Variants in CSRNP3 observed in about 807,000 individuals in gnomAD.
The protein encoded by CSRNP3 is cysteine and serine rich nuclear protein 3.
A neutral mutation model predicts 48.0 loss-of-function variants in CSRNP3; 12 were observed. The ratio of observed to expected loss-of-function variants is 0.25; its 90% CI spans 0.16 to 0.41. CSRNP3 has a LOEUF of 0.41. Among genes scored for constraint, CSRNP3 ranks in the 10% least tolerant of loss-of-function variants. CSRNP3 has a pLI of 1.00. For missense variants in CSRNP3, 580 were observed against 724.4 expected (o/e 0.80, Z 2.29); for synonymous variants, 263 against 269.7 (o/e 0.98, Z 0.24).
chr2:165,546,153 C>A (rs1283747289), intron 3 of CSRNP3, among the ~76,000 whole-genome samples: 2 of 152,034 alleles, frequency 1.3e-5, no homozygotes, highest in African/African-American at 4.8e-5. Flanking sequence ...CCCTTCTTCA[C>A]AAATATCTGT....
In CSRNP3 at chr2:165,637,858, C is replaced by T. The variant is rs553736291; in HGVS notation, c.149-19903C>T. 8.5e-5 allele frequency among the ~76,000 whole-genome samples: 13 copies of T among 152,254 alleles called. No individual in the cohort carries two copies. The South Asian group carries it at 2.3e-3, about 27-fold the overall frequency. On this transcript the variant is annotated intron_variant, in intron 4 of 6. Coordinates refer to ENST00000651982, the MANE Select transcript of CSRNP3 (RefSeq NM_001172173.2). ...ACAGTGTACAGATACAGATTCATTA[C>T]CCTAATACAACCAGTATTCGCATTG... is the stretch of plus-strand genomic sequence containing the variant.
intron 4 of CSRNP3, among the ~76,000 whole-genome samples, chr2:165,631,422 T>C (rs1187927703): frequency 5.9e-5 from 9 of 152,220 alleles, no homozygotes; most frequent in Non-Finnish European, 1.0e-4. Context: ...AAGACCGATA[T>C]ACAAGTTGCC....
chr2:165,477,616 C>T (rs1035082986), intron 1 of CSRNP3, among the ~76,000 whole-genome samples: 4 of 150,420 alleles, frequency 2.7e-5, no homozygotes, highest in African/African-American at 7.3e-5. Flanking sequence ...TTACAATCAG[C>T]CAAGATCATG....
chr2:165,615,412 G>A (rs1305815179), intron 4 of CSRNP3, among the ~76,000 whole-genome samples: 1 of 151,794 alleles, frequency 6.6e-6, no homozygotes, highest in East Asian at 1.9e-4. Flanking sequence ...GTGTGGTGGC[G>A]GGTGCTTGTA....
intron 1 of CSRNP3, among the ~76,000 whole-genome samples, chr2:165,483,915 A>C (rs1684080256): frequency 6.6e-6 from 1 of 151,642 alleles, no homozygotes; most frequent in Non-Finnish European, 1.5e-5. Flanking sequence ...CATTCTATTG[A>C]ATAAATATTC....
At chr2:165,576,754 T>C (rs75761462) in intron 3 of CSRNP3, among the ~76,000 whole-genome samples, 3,905 of 152,062 alleles carry the variant, frequency 0.026, 65 homozygotes, top group Non-Finnish European at 0.04. Context: ...TAAACGTATA[T>C]AGAAAAAATG....
chr2:165,570,923 C>T (rs1345554625), intron 3 of CSRNP3, among the ~76,000 whole-genome samples: 2 of 151,802 alleles, frequency 1.3e-5, no homozygotes, highest in Non-Finnish European at 2.9e-5. Context: ...TAGATCAATG[C>T]TAACCCTACA....
At chr2:165,587,465 C>T (rs1392664040) in intron 3 of CSRNP3, among the ~76,000 whole-genome samples, 3 of 152,206 alleles carry the variant, frequency 2.0e-5, no homozygotes, top group Non-Finnish European at 4.4e-5. Flanking sequence ...CTAATGGCCA[C>T]GTAGTTGAAT....
chr2:165,483,850 A>G (rs1445720308), intron 1 of CSRNP3, among the ~76,000 whole-genome samples: 1 of 152,160 alleles, frequency 6.6e-6, no homozygotes, highest in African/African-American at 2.4e-5. Context: ...CCAGCCCCTA[A>G]TAACACCACC....
At chr2:165,551,001 A>G (rs7588295) in intron 3 of CSRNP3, among the ~76,000 whole-genome samples, 5,407 of 152,024 alleles carry the variant, frequency 0.036, 142 homozygotes, top group East Asian at 0.12. Context: ...TCTGAAATCA[A>G]CTTCTTAGAT....
intron 2 of CSRNP3, among the ~76,000 whole-genome samples, chr2:165,495,893 A>G (rs1441405159): frequency 6.6e-6 from 1 of 151,966 alleles, no homozygotes; most frequent in Non-Finnish European, 1.5e-5. Context: ...GTTTAAACTC[A>G]CCAAAACAGC....
At position 165,534,384 on chromosome 2, in the gene CSRNP3, A is replaced by G. The variant is rs73028002; in HGVS notation, c.-24+16423A>G. ...TATTGAATGAGTTTAAAAAAACTGA[A>G]AAGTGTGTAGGACAGATTCTTTTAT... On this transcript the variant is annotated intron_variant, in intron 3 of 6. Coordinates refer to ENST00000651982, the MANE Select transcript of CSRNP3 (RefSeq NM_001172173.2). 4.2e-4 allele frequency among the ~76,000 whole-genome samples: 64 copies of G among 152,114 alleles called. 1 individual carries two copies. The highest frequency in any genetic ancestry group is 1.5e-3 in the African/African-American group (61 of 41,550).
chr2:165,497,132 G>A (rs138894706), intron 2 of CSRNP3, among the ~76,000 whole-genome samples: 13 of 152,072 alleles, frequency 8.5e-5, no homozygotes, highest in East Asian at 1.9e-4. Context: ...CTATTTTGAC[G>A]TGTGGTTTTA....
At position 165,684,845 on chromosome 2, in the gene CSRNP3, A is replaced by G. The variant is rs1377730869; in HGVS notation, c.*5092A>G. ...GGTGGTGTCTTCTAGGAATTATGAA[A>G]AAAAAAGCTCAGCAGAGCTAAGCCA... is the stretch of plus-strand genomic sequence containing the variant. On this transcript the variant is annotated 3_prime_UTR_variant, in exon 7 of 7. Transcript: ENST00000651982. The G allele has an allele frequency of 2.6e-5, 4 of 152,040 alleles. No homozygotes were observed. The highest frequency in any genetic ancestry group is 5.9e-5 in the Non-Finnish European group (4 of 67,978). The allele number at this position is 152,040 out of a possible 1,614,324, so 9.4% of individuals were successfully genotyped here. A position where few individuals can be genotyped will look rare whatever the true frequency, so the allele number is the denominator to read the frequency against.
At chr2:165,638,808 A>G (rs539706810) in intron 4 of CSRNP3, among the ~76,000 whole-genome samples, 9 of 152,230 alleles carry the variant, frequency 5.9e-5, no homozygotes, top group South Asian at 4.2e-4. Flanking sequence ...TTGCTCATCA[A>G]TTGTTGGGAA....
chr2:165,552,856 G>A (rs145539250), intron 3 of CSRNP3, among the ~76,000 whole-genome samples: 4 of 151,864 alleles, frequency 2.6e-5, no homozygotes, highest in South Asian at 2.1e-4. Flanking sequence ...CACCATGCCC[G>A]GCTAATTTTT....
chr2:165,640,321 G>T (rs758238095), intron 4 of CSRNP3, among the ~76,000 whole-genome samples: 1 of 152,140 alleles, frequency 6.6e-6, no homozygotes, highest in African/African-American at 2.4e-5. Context: ...AGATTAATTT[G>T]TCCTAGCTCA....
intron 3 of CSRNP3, among the ~76,000 whole-genome samples, chr2:165,592,886 C>A (rs1375853030): frequency 6.8e-6 from 1 of 147,702 alleles, no homozygotes; most frequent in Non-Finnish European, 1.5e-5. Context: ...ACTGCAAGCT[C>A]CACCTCCCGG....
intron 1 of CSRNP3, among the ~76,000 whole-genome samples, chr2:165,493,709 C>T (rs1481226768): frequency 6.6e-6 from 1 of 152,066 alleles, no homozygotes; most frequent in Non-Finnish European, 1.5e-5. Flanking sequence ...CTCTGGCTCT[C>T]CACAGGTCAC....
Sources: gnomAD v4.1 joint callset for allele counts (sites outside exome capture counted in the v4.1 genomes callset) on GRCh38, gnomAD v4.1.1 for gene constraint, MANE v1.5 for transcripts, NCBI Gene and HGNC (gene_info 2026-07-23, HGNC 2026-07-21) for gene names.